The following PRORP variants were observed in gnomAD, a reference collection of about 807,000 sequenced individuals.
PRORP encodes protein only RNase P catalytic subunit, also known as mitochondrial ribonuclease P catalytic subunit.
In PRORP, 51 loss-of-function variants were observed where a neutral mutation model predicts 59.4. The ratio of observed to expected loss-of-function variants is 0.86; its 90% CI spans 0.69 to 1.08. The LOEUF is 1.08. PRORP is among the 50% of genes least tolerant of loss of function. The pLI, the probability that PRORP is intolerant of heterozygous loss-of-function variation, is 0.00. For synonymous variants in PRORP, 231 were observed against 245.6 expected (o/e 0.94, Z 0.55); for missense variants, 646 against 690.3 (o/e 0.94, Z 0.72).
chr14:35,170,532 A>G (rs1194640336), intron 4 of PRORP, among the ~76,000 whole-genome samples: 2 of 152,202 alleles, frequency 1.3e-5, no homozygotes, highest in Non-Finnish European at 2.9e-5. Flanking sequence ...CACATGAAAT[A>G]TAAGAACATT....
intron 5 of PRORP, among the ~76,000 whole-genome samples, chr14:35,254,523 G>T: frequency 6.6e-6 from 1 of 152,186 alleles, no homozygotes; most frequent in Non-Finnish European, 1.5e-5. Flanking sequence ...CTCCTGAGTA[G>T]CTGGGATTAC....
In PRORP at chr14:35,123,666, GA is replaced by G; in HGVS notation, c.424del (p.Ser142ValfsTer14). On this transcript the variant is annotated frameshift_variant, in exon 2 of 8. Coordinates refer to ENST00000534898, the MANE Select transcript of PRORP (RefSeq NM_014672.4). LOFTEE classifies it high-confidence loss of function. ...LKENTGKTSF[E>X]SWIISQMAGC... is the part of the protein sequence containing the mutation. ...AGAAAACACCGGAAAGACCAGTTTCGAAAGTTGGATCATTTCACAGATGGCT... is the reference window on the plus strand; with the variant it reads ...AGAAAACACCGGAAAGACCAGTTTCGAAGTTGGATCATTTCACAGATGGCT... The G allele has an allele frequency of 6.2e-7, 1 of 1,614,182 alleles. No individual in the cohort carries two copies. The highest frequency in any genetic ancestry group is 8.5e-7 in the Non-Finnish European group (1 of 1,180,042).
chr14:35,188,435 C>T lies in PRORP; in HGVS notation c.1275+7658C>T, dbSNP rs1411783645. Among the ~76,000 whole-genome samples the T allele has an allele frequency of 4.0e-5, 6 of 150,812 alleles. No individual in the cohort carries two copies. In the East Asian group the frequency reaches 5.9e-4, roughly 15 times the overall value. On this transcript the variant is annotated intron_variant, in intron 5 of 7. Coordinates refer to ENST00000534898, the MANE Select transcript of PRORP (RefSeq NM_014672.4). ...CGAACTCCTGACCTCGTGATCTGCC[C>T]GCCTCGGCCTCCCAAAGTGCTGGGA...
intron 5 of PRORP, among the ~76,000 whole-genome samples, chr14:35,264,506 T>C (rs1259912696): frequency 1.3e-5 from 2 of 151,788 alleles, no homozygotes; most frequent in African/African-American, 4.8e-5. Flanking sequence ...AGTCCTCCAG[T>C]CTCATCCTCC....
At chr14:35,143,049 T>G (rs1385951774) in intron 4 of PRORP, among the ~76,000 whole-genome samples, 1 of 145,740 alleles carries the variant, frequency 6.9e-6, no homozygotes, top group East Asian at 2.3e-4. Context: ...AAGCTATATT[T>G]TTCGTGTACT....
intron 4 of PRORP, among the ~76,000 whole-genome samples, chr14:35,164,556 G>A (rs1274817664): frequency 6.6e-6 from 1 of 152,164 alleles, no homozygotes; most frequent in African/African-American, 2.4e-5. Flanking sequence ...GATACTGCAA[G>A]TTCTTACTTA....
chr14:35,226,474 A>G (rs1367038029), intron 5 of PRORP, among the ~76,000 whole-genome samples: 1 of 152,232 alleles, frequency 6.6e-6, no homozygotes, highest in Non-Finnish European at 1.5e-5. Context: ...TTGGCAGGTT[A>G]GACTTTGATA....
chr14:35,194,581 T>C (rs929202971), intron 5 of PRORP, among the ~76,000 whole-genome samples: 1 of 152,164 alleles, frequency 6.6e-6, no homozygotes, highest in Non-Finnish European at 1.5e-5. Context: ...ATACCTAATG[T>C]AGATGACGGG....
intron 4 of PRORP, among the ~76,000 whole-genome samples, chr14:35,151,245 A>G (rs550977456): frequency 4.9e-4 from 75 of 152,146 alleles, no homozygotes; most frequent in Admixed American, 1.0e-3. Flanking sequence ...GCTTAAATGT[A>G]TCGATTTTAT....
chr14:35,239,903 T>C (rs987731958), intron 5 of PRORP, among the ~76,000 whole-genome samples: 1 of 151,988 alleles, frequency 6.6e-6, no homozygotes, highest in Non-Finnish European at 1.5e-5. Flanking sequence ...GGTGAAACCT[T>C]GTCTCTACTA....
chr14:35,240,074 C>CAAAAAA (rs773150066), intron 5 of PRORP, among the ~76,000 whole-genome samples: 1 of 107,292 alleles, frequency 9.3e-6, no homozygotes, highest in African/African-American at 4.2e-5. Context: ...GACTCCATCT[C>CAAAAAA]AAAAAAAAAA....
At chr14:35,132,744 G>T (rs539164326) in intron 4 of PRORP, among the ~76,000 whole-genome samples, 1 of 143,100 alleles carries the variant, frequency 7.0e-6, no homozygotes, top group African/African-American at 2.6e-5. Flanking sequence ...CCAAGATTGC[G>T]CCACAGTACT....
chr14:35,227,669 A>G (rs951317213), intron 5 of PRORP, among the ~76,000 whole-genome samples: 5 of 152,110 alleles, frequency 3.3e-5, no homozygotes, highest in Admixed American at 2.0e-4. Flanking sequence ...GGGACTCTCT[A>G]CTTCTCAGAG....
At chr14:35,248,145 C>T (rs767906898) in intron 5 of PRORP, among the ~76,000 whole-genome samples, 2 of 152,096 alleles carry the variant, frequency 1.3e-5, no homozygotes, top group African/African-American at 2.4e-5. Flanking sequence ...CAAAGACTGA[C>T]GAAAGCAGGA....
At position 35,218,485 on chromosome 14, in the gene PRORP, A is replaced by AAAAAG. The variant is rs1348565728; in HGVS notation, c.1275+37708_1275+37709insAAAAG. ...AAAAAAAGAAAAAAAAAAAAAAAAA[A>AAAAAG]CCAACAACAAAACACAACAGAACAC... On this transcript the variant is annotated intron_variant, in intron 5 of 7. Transcript: ENST00000534898. Among the ~76,000 whole-genome samples, 63 of 133,104 alleles carry AAAAAG rather than the reference A, an allele frequency of 4.7e-4. 3 individuals are homozygous for AAAAAG. Among genetic ancestry groups the AAAAAG allele is most frequent in the South Asian group, 1.0e-3 (4 of 3,978 alleles). 87.3% of individuals were successfully genotyped at this position (133,104 alleles called of 152,430 possible).
intron 5 of PRORP, among the ~76,000 whole-genome samples, chr14:35,185,400 C>G (rs556617124): frequency 1.3e-5 from 2 of 152,046 alleles, no homozygotes; most frequent in African/African-American, 4.8e-5. Flanking sequence ...GTAGTTTTAA[C>G]CTAAATCTTA....
At chr14:35,212,675 G>A (rs959635174) in intron 5 of PRORP, among the ~76,000 whole-genome samples, 18 of 152,272 alleles carry the variant, frequency 1.2e-4, no homozygotes, top group Admixed American at 5.2e-4. Flanking sequence ...TTGTTGTTCC[G>A]TTGATAAAGC....
rs145816441 is a variant in PRORP at position 35,163,376 on chromosome 14, A to G, written c.1168-17294A>G. 3.1e-3 allele frequency among the ~76,000 whole-genome samples: 475 copies of G among 152,248 alleles called. 2 individuals carry two copies. Among genetic ancestry groups the G allele is most frequent in the Non-Finnish European group, 4.9e-3 (331 of 67,984 alleles). On this transcript the variant is annotated intron_variant, in intron 4 of 7. Transcript: ENST00000534898. ...TGAAATGCTGGTTGCAACTGTATTA[A>G]ATTGATCTCATGACCTAGTAAGGTG...
Position 35,266,873 on chromosome 14 carries a change from C to T in PRORP, c.1422C>T (p.Asp474=). 1 of 1,613,928 alleles carries T rather than the reference C, an allele frequency of 6.2e-7. No homozygotes were observed. Among genetic ancestry groups the T allele is most frequent in the Non-Finnish European group, 8.5e-7 (1 of 1,179,976 alleles). The change falls in exon 6 of 8, where the codon GAC becomes GAT. Residue 474 remains aspartate (D), a splice_region_variant and synonymous_variant. Transcript: ENST00000534898. Reference sequence around the variant, plus strand: ...AAGCCAGCTGTTTTTTTGCTGATGACATGTAAGTGTTGGAGGTAATAGGTG... The same window carrying T: ...AAGCCAGCTGTTTTTTTGCTGATGATATGTAAGTGTTGGAGGTAATAGGTG... ...QKQASCFFAD[D]ISEDDPFLLY...
Sources: gnomAD v4.1 joint callset for allele counts (sites outside exome capture counted in the v4.1 genomes callset) on GRCh38, gnomAD v4.1.1 for gene constraint, MANE v1.5 for transcripts, NCBI Gene and HGNC (gene_info 2026-07-23, HGNC 2026-07-21) for gene names.